The following ATXN2 variants were observed in gnomAD, a reference collection of about 807,000 sequenced individuals.
ATXN2 encodes the protein ataxin 2, also known as ataxin-2.
Under a neutral mutation model 138.6 loss-of-function variants are expected in ATXN2, and 37 were observed. The ratio of observed to expected loss-of-function variants is 0.27; its 90% confidence interval spans 0.21 to 0.35. ATXN2 has a LOEUF of 0.35. Among genes scored for constraint, ATXN2 ranks in the 10% least tolerant of loss-of-function variants. ATXN2 has a pLI of 1.00. For synonymous variants in ATXN2, 549 were observed against 543.7 expected, an observed-to-expected ratio of 1.01 and a Z score of -0.13; for missense variants, 1,216 against 1,480.3, an observed-to-expected ratio of 0.82 and a Z score of 2.93.
intron 21 of ATXN2, among the ~76,000 whole-genome samples, chr12:111,464,324 GGTGTGTGTGTTTGT>G (rs1291370488): frequency 6.3e-4 from 79 of 126,216 alleles, no homozygotes; most frequent in African/African-American, 2.5e-3. Flanking sequence ...TTGTGGCTTG[GGTGTGTGTGTTTGT>G]GTGTGTGTGT....
intron 18 of ATXN2, among the ~76,000 whole-genome samples, chr12:111,482,364 G>T (rs7976462): frequency 0.38 from 57,584 of 151,354 alleles, 15,019 homozygotes; most frequent in East Asian, 0.9. Flanking sequence ...TCAGCTAATT[G>T]TTTGTATTTT....
At chr12:111,562,193 AG>A (rs1882729526) in intron 1 of ATXN2, among the ~76,000 whole-genome samples, 3 of 151,850 alleles carry the variant, frequency 2.0e-5, no homozygotes, top group African/African-American at 7.3e-5. Context: ...CAACTAATCC[AG>A]AGGCTGAGGC....
chr12:111,576,830 C>T (rs1883682393), intron 1 of ATXN2, among the ~76,000 whole-genome samples: 1 of 151,466 alleles, frequency 6.6e-6, no homozygotes, highest in African/African-American at 2.4e-5. Context: ...TGGTGGCGGG[C>T]TCCTGTAGTC....
intron 1 of ATXN2, among the ~76,000 whole-genome samples, chr12:111,577,850 G>A (rs1883760300): frequency 6.6e-6 from 1 of 152,002 alleles, no homozygotes; most frequent in Non-Finnish European, 1.5e-5. Context: ...GGGAAGCTGA[G>A]GTGGGAGGAT....
At chr12:111,585,903 C>A (rs1460806353) in intron 1 of ATXN2, among the ~76,000 whole-genome samples, 1 of 145,792 alleles carries the variant, frequency 6.9e-6, no homozygotes, top group Admixed American at 6.9e-5. Context: ...AGTTCCCAGG[C>A]TCTTTGCTTT....
At chr12:111,593,860 G>T (rs1174610158) in intron 1 of ATXN2, among the ~76,000 whole-genome samples, 1 of 152,158 alleles carries the variant, frequency 6.6e-6, no homozygotes, top group Non-Finnish European at 1.5e-5. Context: ...GCACATAAAA[G>T]AATAACAAAG....
chr12:111,533,822 A>G (rs1315486566), intron 5 of ATXN2, among the ~76,000 whole-genome samples: 2 of 152,118 alleles, frequency 1.3e-5, no homozygotes, highest in Admixed American at 1.3e-4. Context: ...CCACAGCCCC[A>G]GCGTATTTCC....
chr12:111,465,415 TG>T (rs1162303232), intron 20 of ATXN2, among the ~76,000 whole-genome samples: 1 of 152,112 alleles, frequency 6.6e-6, no homozygotes, highest in African/African-American at 2.4e-5. Context: ...TCGGAAAAGT[TG>T]TATTATTACT....
intron 18 of ATXN2, among the ~76,000 whole-genome samples, chr12:111,484,895 T>TA (rs1346943676): frequency 1.3e-5 from 2 of 152,078 alleles, no homozygotes; most frequent in African/African-American, 4.8e-5. Flanking sequence ...CATGCCCAGC[T>TA]AATTTTTTTG....
At chr12:111,455,597 A>G (rs1406587161) in intron 23 of ATXN2, 2 of 301,398 alleles carry the variant, frequency 6.6e-6, no homozygotes, top group Non-Finnish European at 1.3e-5. Context: ...GTGAGTAACA[A>G]TCAAGTTGAC....
At chr12:111,510,741 T>A in intron 11 of ATXN2, 159 bp from the exon 12 acceptor site, 1 of 584,522 alleles carries the variant, frequency 1.7e-6, no homozygotes, top group African/African-American at 1.9e-5. Flanking sequence ...TGTTAGGAAT[T>A]TGCTGGCAAT....
intron 18 of ATXN2, chr12:111,471,098 C>G (rs1187217870): frequency 4.8e-6 from 1 of 208,002 alleles, no homozygotes; most frequent in African/African-American, 2.2e-5. Context: ...TTTTCTGGGA[C>G]GGGCACTGCA....
Position 111,598,963 on chromosome 12 carries a change from CTG to C in ATXN2, c.70_71del (p.Gln24AlafsTer65). On this transcript the variant is annotated frameshift_variant, in exon 1 of 25. Coordinates refer to ENST00000673436, the MANE Select transcript of ATXN2 (RefSeq NM_001372574.1). LOFTEE classifies it high-confidence loss of function. The surrounding 1 kb of genome is among the most constrained non-coding windows in gnomAD (Gnocchi z 4.5). ...QQQQQQQQQQ[Q>X]QQQQPPPAAA... ...CCGCGGGCGGCGGCTGCTGCTGCTGCTGCTGCTGCTGCTGTTGCTGCTGCTGC... is the reference window on the plus strand; with the variant it reads ...CCGCGGGCGGCGGCTGCTGCTGCTGCCTGCTGCTGCTGTTGCTGCTGCTGC... 2.0e-6 allele frequency: 3 copies of C among 1,502,558 alleles called. No individual in the cohort carries two copies. In the South Asian group the frequency reaches 3.7e-5, roughly 19 times the overall value. The allele number at this position is 1,502,558 out of a possible 1,614,324, so 93.1% of individuals were successfully genotyped here.
chr12:111,464,247 G>GGTGGGTGTGT (rs1875805788), intron 21 of ATXN2, among the ~76,000 whole-genome samples: 1 of 134,630 alleles, frequency 7.4e-6, no homozygotes, highest in African/African-American at 2.9e-5. Context: ...TGTGGCTTGG[G>GGTGGGTGTGT]GTGTGTGTGT....
At position 111,541,774 on chromosome 12, in the gene ATXN2, C is replaced by T. The variant is rs983253406; in HGVS notation, c.571+10506G>A. ...ATCATTTTGTCAATTTCTACAAAAA[C>T]GGATATATATATATATATTATAAAA... On this transcript the variant is annotated intron_variant, in intron 5 of 24. Coordinates refer to ENST00000673436, the MANE Select transcript of ATXN2 (RefSeq NM_001372574.1). Among the ~76,000 whole-genome samples the T allele has an allele frequency of 4.8e-5, 7 of 147,182 alleles. 1 individual carries two copies. Among genetic ancestry groups the T allele is most frequent in the African/African-American group, 9.8e-5 (4 of 40,704 alleles).
At chr12:111,494,781 G>A (rs1050601402) in intron 14 of ATXN2, among the ~76,000 whole-genome samples, 7 of 151,396 alleles carry the variant, frequency 4.6e-5, no homozygotes, top group Admixed American at 3.3e-4. Context: ...ATATAAAGCA[G>A]GAAATTAAAA....
At chr12:111,517,576 GA>G (rs1879925671) in intron 9 of ATXN2, among the ~76,000 whole-genome samples, 1 of 152,092 alleles carries the variant, frequency 6.6e-6, no homozygotes, top group African/African-American at 2.4e-5. Flanking sequence ...CTGATTTATG[GA>G]AAAGATCCAC....
chr12:111,529,097 G>A (rs570601355), intron 5 of ATXN2, among the ~76,000 whole-genome samples: 5 of 151,898 alleles, frequency 3.3e-5, no homozygotes, highest in African/African-American at 1.2e-4. Context: ...TGAGATTACA[G>A]GCATGAGCCA....
intron 18 of ATXN2, among the ~76,000 whole-genome samples, chr12:111,483,418 A>AAAC (rs1451262778): frequency 6.6e-6 from 1 of 151,198 alleles, no homozygotes; most frequent in Admixed American, 6.6e-5. Context: ...GGCAAAAAAA[A>AAAC]AACCCTTTAG....
Sources: allele counts gnomAD v4.1 joint callset (sites outside exome capture counted in the v4.1 genomes callset), GRCh38; gene constraint gnomAD v4.1.1; non-coding constraint Gnocchi (gnomAD v3.1); transcripts MANE v1.5; gene names NCBI Gene and HGNC (gene_info 2026-07-23, HGNC 2026-07-21).